Variants in MGAM2 observed in about 807,000 individuals in gnomAD.
The protein encoded by MGAM2 is maltase-glucoamylase 2 (putative), also known as probable maltase-glucoamylase 2.
A neutral mutation model predicts 96.1 loss-of-function variants in MGAM2; 98 were observed. The ratio of observed to expected loss-of-function variants is 1.02; its 90% CI spans 0.87 to 1.21. The LOEUF (loss-of-function observed/expected upper bound fraction) is 1.21, where lower values mean the gene tolerates loss of function less well. Ranked by LOEUF, MGAM2 falls within the 50% of genes most tolerant of loss-of-function variation. MGAM2 has a pLI of 0.00. For synonymous variants in MGAM2, 749 were observed against 414.8 expected (o/e 1.81, Z -9.79); for missense variants, 2,055 against 1,182.4 (o/e 1.74, Z -10.82).
intron 12 of MGAM2, among the ~76,000 whole-genome samples, chr7:142,141,782 G>A (rs1253298279): frequency 6.6e-6 from 1 of 152,076 alleles, no homozygotes; most frequent in Non-Finnish European, 1.5e-5. Flanking sequence ...TTACAGGTGT[G>A]AGCCACCATG....
chr7:142,177,266 A>G (rs760825468), intron 32 of MGAM2, among the ~76,000 whole-genome samples: 1 of 152,314 alleles, frequency 6.6e-6, no homozygotes, highest in East Asian at 1.9e-4. Context: ...GAGTTTGTTC[A>G]GGGAAACTCC....
intron 35 of MGAM2, among the ~76,000 whole-genome samples, chr7:142,187,341 A>G (rs981345158): frequency 2.6e-5 from 4 of 152,252 alleles, no homozygotes; most frequent in Admixed American, 2.0e-4. Context: ...GCCATAGACT[A>G]AAAAGTGAAT....
chr7:142,141,759 C>A (rs1364950640), intron 12 of MGAM2, among the ~76,000 whole-genome samples: 1 of 152,138 alleles, frequency 6.6e-6, no homozygotes, highest in East Asian at 1.9e-4. Flanking sequence ...CTCAGCCTCC[C>A]AAACTGCTGG....
chr7:142,129,981 G>T (rs1359745869), intron 3 of MGAM2, among the ~76,000 whole-genome samples: 1 of 151,076 alleles, frequency 6.6e-6, no homozygotes, highest in African/African-American at 2.4e-5. Flanking sequence ...TGTAAATTTA[G>T]TTAGGTGAGG....
chr7:142,137,807 A>C (rs1474560585), intron 9 of MGAM2, among the ~76,000 whole-genome samples: 1 of 152,224 alleles, frequency 6.6e-6, no homozygotes, highest in East Asian at 1.9e-4. Flanking sequence ...TAGTCCATTC[A>C]TGTATCCCAC....
At chr7:142,210,016 A>G (rs962560210) in intron 46 of MGAM2, among the ~76,000 whole-genome samples, 3 of 152,210 alleles carry the variant, frequency 2.0e-5, no homozygotes, top group African/African-American at 7.2e-5. Context: ...TACCTGGTTC[A>G]TCTCACTGGG....
chr7:142,212,556 T>C (rs923314128), intron 46 of MGAM2, among the ~76,000 whole-genome samples: 2 of 152,088 alleles, frequency 1.3e-5, no homozygotes, highest in Non-Finnish European at 2.9e-5. Flanking sequence ...GGTTGCAATT[T>C]TCATCTCTGA....
Position 142,192,648 on chromosome 7 carries a change from TAA to T in MGAM2, c.4346+3145_4346+3146del, listed in dbSNP as rs539082448. Among the ~76,000 whole-genome samples, 863 of 152,336 alleles carry T rather than the reference TAA, an allele frequency of 5.7e-3. 10 individuals carry two copies. Among genetic ancestry groups the T allele is most frequent in the African/African-American group, 0.02 (835 of 41,580 alleles). ...GCAATAAGAAGATGTGAAAACTTGA[TAA>T]AGTTTCTACCAAAAGCTCAACTTTC... On this transcript the variant is annotated intron_variant, in intron 37 of 47. Coordinates refer to ENST00000477922, the MANE Select transcript of MGAM2 (RefSeq NM_001293626.2).
chr7:142,189,713 T>A (rs1332565306), intron 37 of MGAM2, among the ~76,000 whole-genome samples: 4 of 152,362 alleles, frequency 2.6e-5, no homozygotes, highest in African/African-American at 9.6e-5. Flanking sequence ...AATTAGGTAA[T>A]GTTTAGTATA....
chr7:142,158,516 C>T (rs1356319096), intron 19 of MGAM2, among the ~76,000 whole-genome samples, 184 bp downstream of exon 19: 2 of 152,152 alleles, frequency 1.3e-5, no homozygotes, highest in Non-Finnish European at 2.9e-5. Context: ...CCCCACCAAA[C>T]AAAACAATTT....
At chr7:142,153,213 G>T (rs999158950) in intron 15 of MGAM2, among the ~76,000 whole-genome samples, 2 of 152,008 alleles carry the variant, frequency 1.3e-5, no homozygotes, top group Non-Finnish European at 2.9e-5. Context: ...TGTTGGCCAG[G>T]TTGGTCTCGA....
chr7:142,117,999 A>G (rs1054837425), intron 2 of MGAM2, among the ~76,000 whole-genome samples: 3 of 150,668 alleles, frequency 2.0e-5, no homozygotes, highest in African/African-American at 7.3e-5. Context: ...TTTAAAATCA[A>G]TTTGTTTTTA....
rs146126395 is a variant in MGAM2, at chr7:142,114,072, G to A, written c.-1+2265G>A. Among the ~76,000 whole-genome samples, 408 of 150,738 alleles carry A rather than the reference G, an allele frequency of 2.7e-3. 2 individuals are homozygous for A. Among genetic ancestry groups the A allele is most frequent in the African/African-American group, 9.4e-3 (383 of 40,794 alleles). ...CTTGAACCTGGGTGGCGGAGGTTGC[G>A]GTGAGCCGAGATCGCGCCACTGCAC... On this transcript the variant is annotated intron_variant, in intron 1 of 47. Coordinates refer to ENST00000477922, the MANE Select transcript of MGAM2 (RefSeq NM_001293626.2).
chr7:142,204,299 A>G (rs556092854), intron 45 of MGAM2, among the ~76,000 whole-genome samples: 99 of 152,104 alleles, frequency 6.5e-4, no homozygotes, highest in Non-Finnish European at 1.1e-3. Context: ...ATTATAACCT[A>G]TATTCACTTA....
intron 2 of MGAM2, among the ~76,000 whole-genome samples, chr7:142,117,538 A>G (rs1181727757): frequency 5.3e-5 from 8 of 152,160 alleles, no homozygotes; most frequent in Admixed American, 5.2e-4. Flanking sequence ...TAGTTCAAAA[A>G]TGTATTTTCA....
chr7:142,200,102 T>C (rs1797177521), intron 45 of MGAM2, 134 bp downstream of exon 45: 1 of 477,942 alleles, frequency 2.1e-6, no homozygotes, highest in Non-Finnish European at 3.7e-6. Flanking sequence ...TGGAGAATTT[T>C]TCCAACTTTT....
At position 142,154,735 on chromosome 7, in the gene MGAM2, GCC is replaced by G; in HGVS notation, c.1814_1815del (p.Ala605GlufsTer6). ...FNLFGIPMVG[A>X]NICGYNNNVT... is the part of the protein sequence containing the mutation. The stretch of plus-strand genomic sequence containing the variant: ...ATGTGTGCTAATTCTCCAGGTAGGT[GCC>G]AACATCTGTGGTTATAACAACAATG... On this transcript the variant is annotated frameshift_variant, in exon 17 of 48. Coordinates refer to ENST00000477922, the MANE Select transcript of MGAM2 (RefSeq NM_001293626.2). LOFTEE classifies it high-confidence loss of function. 1 of 703,106 alleles carries G rather than the reference GCC, an allele frequency of 1.4e-6. No homozygotes were observed. The highest frequency in any genetic ancestry group is 2.7e-5 in the East Asian group (1 of 37,278). The allele number at this position is 703,106 out of a possible 1,614,324, so 43.6% of individuals were successfully genotyped here. A position where few individuals can be genotyped will look rare whatever the true frequency, so the allele number is the denominator to read the frequency against.
In MGAM2 at chr7:142,161,992, C is replaced by G. The variant is rs774884740; in HGVS notation, c.2472C>G (p.Phe824Leu). The change falls in exon 23 of 48, where the codon TTC becomes TTG. Residue 824 changes from phenylalanine (F) to leucine (L), a missense_variant. Phe to Leu is a conservative substitution (Grantham distance 22, BLOSUM62 0). Transcript: ENST00000477922. ...VTEKKYILYD[F>L]SVTSNHLQAK... ...AAAAGAAGTATATTCTATATGATTTCTCTGTTACCTCTGTAAGTATTTTGT... is the reference window on the plus strand; with the variant it reads ...AAAAGAAGTATATTCTATATGATTTGTCTGTTACCTCTGTAAGTATTTTGT... 2 of 693,482 alleles carry G rather than the reference C, an allele frequency of 2.9e-6. No individual in the cohort carries two copies. Among genetic ancestry groups the G allele is most frequent in the Non-Finnish European group, 2.6e-6 (1 of 381,672 alleles). The allele number at this position is 693,482 out of a possible 1,614,324, so 43.0% of individuals were successfully genotyped here.
intron 32 of MGAM2, among the ~76,000 whole-genome samples, chr7:142,178,157 C>T (rs1796431765): frequency 1.3e-5 from 2 of 152,142 alleles, no homozygotes; most frequent in South Asian, 4.1e-4. Context: ...ACTTGTATGT[C>T]TTCTTTTGAG....
Sources: allele counts gnomAD v4.1 joint callset (sites outside exome capture counted in the v4.1 genomes callset), GRCh38; gene constraint gnomAD v4.1.1; transcripts MANE v1.5; gene names NCBI Gene and HGNC (gene_info 2026-07-23, HGNC 2026-07-21).